TESK2: variants seen among roughly 807,000 people sequenced by gnomAD.
TESK2 encodes the protein testis associated actin remodelling kinase 2.
A neutral mutation model predicts 57.1 loss-of-function variants in TESK2; 39 were observed. That is an observed-to-expected ratio of 0.68 (90% confidence interval 0.53 to 0.89). TESK2 has a LOEUF of 0.89. Ranked by LOEUF, TESK2 falls within the 40% of genes least tolerant of loss-of-function variation. The probability of loss-of-function intolerance (pLI) is 0.00; values close to 1 mark genes in which losing one functional copy is unlikely to be tolerated. For missense variants in TESK2, 646 were observed against 732.1 expected (o/e 0.88, Z 1.36); for synonymous variants, 249 against 267.9 (o/e 0.93, Z 0.69).
intron 2 of TESK2, among the ~76,000 whole-genome samples, chr1:45,451,452 T>C (rs1651865614): frequency 6.6e-6 from 1 of 152,190 alleles, no homozygotes; most frequent in South Asian, 2.1e-4. Context: ...CTGAGCCATA[T>C]GTGCCCTTGA....
chr1:45,457,473 C>G, intron 2 of TESK2, 91 bp downstream of exon 2: 10 of 1,207,148 alleles, frequency 8.3e-6, no homozygotes, highest in Non-Finnish European at 1.1e-5. Flanking sequence ...CTTTATTAGG[C>G]AAATCCTACA....
intron 4 of TESK2, among the ~76,000 whole-genome samples, chr1:45,364,547 C>G (rs536479074): frequency 6.6e-6 from 1 of 152,308 alleles, no homozygotes; most frequent in Non-Finnish European, 1.5e-5. Context: ...GCTATGTCAC[C>G]CACATTGTAG....
At chr1:45,436,681 T>G (rs1218538555) in intron 2 of TESK2, among the ~76,000 whole-genome samples, 1 of 151,700 alleles carries the variant, frequency 6.6e-6, no homozygotes, top group Admixed American at 6.6e-5. Context: ...AGAGACAGGT[T>G]TTCTCCATGT....
chr1:45,446,368 G>A (rs1385402550), intron 2 of TESK2, among the ~76,000 whole-genome samples: 1 of 151,964 alleles, frequency 6.6e-6, no homozygotes, highest in African/African-American at 2.4e-5. Context: ...GGCTGAGGCA[G>A]GAGGATCCCT....
chr1:45,436,177 T>G (rs1651205283), intron 2 of TESK2, among the ~76,000 whole-genome samples: 1 of 64,264 alleles, frequency 1.6e-5, no homozygotes. Flanking sequence ...GACATTGGTA[T>G]CTTCTTTTTT....
intron 3 of TESK2, among the ~76,000 whole-genome samples, chr1:45,411,528 T>G (rs1190142114): frequency 2.0e-5 from 3 of 152,138 alleles, no homozygotes; most frequent in Non-Finnish European, 4.4e-5. Flanking sequence ...TGCTCACCTG[T>G]TCACCTCCTG....
intron 1 of TESK2, among the ~76,000 whole-genome samples, chr1:45,460,403 C>T (rs1207940140): frequency 6.6e-6 from 1 of 151,960 alleles, no homozygotes; most frequent in Non-Finnish European, 1.5e-5. Flanking sequence ...ACCTGTAATC[C>T]CAGCTACTCG....
In TESK2 at chr1:45,474,073, G is replaced by A. The variant is rs550613707; in HGVS notation, c.-86-16202C>T. ...ATCATATATGACATTTTTTGGCCAA[G>A]CGCAGTGGCTCACACTTTGGGAGGC... On this transcript the variant is annotated intron_variant, in intron 1 of 10. Transcript: ENST00000372086. Among the ~76,000 whole-genome samples the A allele has an allele frequency of 3.3e-4, 50 of 152,146 alleles. 2 individuals are homozygous for A. In the South Asian group the frequency reaches 0.01, roughly 32 times the overall value.
rs191815582 is a variant in TESK2, at chr1:45,400,218, G to A, written c.345-14258C>T. ...AGTCAATATCAGAGTGATGCAATGT[G>A]AGAAAGACTCATTGCTGGGTTTGAA... On this transcript the variant is annotated intron_variant, in intron 3 of 10. Coordinates refer to ENST00000372086, the MANE Select transcript of TESK2 (RefSeq NM_007170.3). Among the ~76,000 whole-genome samples the A allele has an allele frequency of 4.6e-5, 7 of 152,294 alleles. No homozygotes were observed. The East Asian group carries it at 1.2e-3, about 25-fold the overall frequency.
In TESK2 at chr1:45,467,896, G is replaced by T. The variant is rs75690731; in HGVS notation, c.-86-10025C>A. ...GTCCACAAACTTAAAATATTGGGTGGGATCACTGGCTCACGTCTGTAATCC... is the reference window on the plus strand; with the variant it reads ...GTCCACAAACTTAAAATATTGGGTGTGATCACTGGCTCACGTCTGTAATCC... On this transcript the variant is annotated intron_variant, in intron 1 of 10. Transcript: ENST00000372086. 6.2e-4 allele frequency among the ~76,000 whole-genome samples: 94 copies of T among 152,018 alleles called. No individual in the cohort carries two copies. The East Asian group carries it at 9.1e-3, about 15-fold the overall frequency.
intron 1 of TESK2, among the ~76,000 whole-genome samples, chr1:45,483,044 C>G (rs2149308556): frequency 1.3e-5 from 2 of 151,606 alleles, no homozygotes; most frequent in Middle Eastern, 6.9e-3. Context: ...CTTTGGGAGG[C>G]TGAGGCGGGC....
chr1:45,490,895 G>C lies in TESK2; in HGVS notation c.-130C>G, dbSNP rs2149311555. 1 of 153,010 alleles carries C rather than the reference G, an allele frequency of 6.5e-6. No homozygotes were observed. The highest frequency in any genetic ancestry group is 3.4e-3 in the Middle Eastern group (1 of 298). The allele number at this position is 153,010 out of a possible 1,614,324, so 9.5% of individuals were successfully genotyped here. A position where few individuals can be genotyped will look rare whatever the true frequency, so the allele number is the denominator to read the frequency against. On this transcript the variant is annotated 5_prime_UTR_variant, in exon 1 of 11. Coordinates refer to ENST00000372086, the MANE Select transcript of TESK2 (RefSeq NM_007170.3). ...GCCAGAGGGGTGCCTGCGCGGGCAA[G>C]AGGAGGAGACGGCGGCAAAGAGGGA...
At chr1:45,480,566 A>T (rs564115083) in intron 1 of TESK2, among the ~76,000 whole-genome samples, 2 of 152,180 alleles carry the variant, frequency 1.3e-5, no homozygotes, top group African/African-American at 4.8e-5. Flanking sequence ...ATTGTTTATA[A>T]TATCAAAACA....
At chr1:45,472,696 A>G (rs1288028388) in intron 1 of TESK2, among the ~76,000 whole-genome samples, 1 of 152,014 alleles carries the variant, frequency 6.6e-6, no homozygotes, top group Non-Finnish European at 1.5e-5. Flanking sequence ...CACCTAAAGG[A>G]TATGATGTGT....
chr1:45,377,065 T>TA (rs1648458654), intron 4 of TESK2, among the ~76,000 whole-genome samples: 1 of 151,840 alleles, frequency 6.6e-6, no homozygotes, highest in Non-Finnish European at 1.5e-5. Context: ...ACAAAAAATG[T>TA]AAAAATTAGC....
intron 2 of TESK2, among the ~76,000 whole-genome samples, chr1:45,457,343 C>A (rs1351928230): frequency 6.6e-6 from 1 of 151,930 alleles, no homozygotes; most frequent in Non-Finnish European, 1.5e-5. Flanking sequence ...GGAAGAGAAT[C>A]CTATGTTATT....
chr1:45,364,453 G>A (rs56072108), intron 4 of TESK2, among the ~76,000 whole-genome samples: 4,452 of 152,258 alleles, frequency 0.029, 253 homozygotes, highest in African/African-American at 0.1. Context: ...GGATCTTCCC[G>A]TAGAGCCTTC....
At chr1:45,428,015 C>T (rs894974656) in intron 2 of TESK2, among the ~76,000 whole-genome samples, 3 of 151,850 alleles carry the variant, frequency 2.0e-5, no homozygotes, top group Admixed American at 2.0e-4. Flanking sequence ...TCTCATGTAC[C>T]CCATAAATAT....
chr1:45,418,982 T>C (rs1412551575), intron 3 of TESK2, among the ~76,000 whole-genome samples: 13 of 123,634 alleles, frequency 1.1e-4, no homozygotes, highest in Admixed American at 4.6e-4. Context: ...TCCCTGACCC[T>C]TTTTTTTTTT....
Sources: allele counts gnomAD v4.1 joint callset (sites outside exome capture counted in the v4.1 genomes callset), GRCh38; gene constraint gnomAD v4.1.1; transcripts MANE v1.5; gene names NCBI Gene and HGNC (gene_info 2026-07-23, HGNC 2026-07-21).